Variants in PIGU observed in about 807,000 individuals in gnomAD.
PIGU encodes GPI-anchor transamidase component PIGU.
In PIGU, 24 loss-of-function variants were observed where a neutral mutation model predicts 49.9. The ratio of observed to expected loss-of-function variants is 0.48; its 90% CI spans 0.35 to 0.68. The LOEUF (loss-of-function observed/expected upper bound fraction) is 0.68, where lower values mean the gene tolerates loss of function less well. PIGU is among the 30% of genes least tolerant of loss of function. The probability of loss-of-function intolerance (pLI) is 0.01; values close to 1 mark genes in which losing one functional copy is unlikely to be tolerated. For missense variants in PIGU, 490 were observed against 532.6 expected (o/e 0.92, Z 0.79); for synonymous variants, 220 against 205.7 (o/e 1.07, Z -0.59).
Position 34,620,339 on chromosome 20 carries a change from C to A in PIGU, c.530-4200G>T, listed in dbSNP as rs78173121. 3.5e-3 allele frequency among the ~76,000 whole-genome samples: 537 copies of A among 152,304 alleles called. 4 individuals carry two copies. Among genetic ancestry groups the A allele is most frequent in the African/African-American group, 0.012 (510 of 41,556 alleles). On this transcript the variant is annotated intron_variant, in intron 6 of 11. Coordinates refer to ENST00000217446, the MANE Select transcript of PIGU (RefSeq NM_080476.5). ...TGTGTCTGTTCTTAGGCTATTCCTT[C>A]TGCCCAAGCCATCCTTCTCTGCCCG... is the stretch of plus-strand genomic sequence containing the variant.
chr20:34,561,379 C>T (rs938739390), intron 11 of PIGU, among the ~76,000 whole-genome samples: 3 of 152,216 alleles, frequency 2.0e-5, no homozygotes, highest in Non-Finnish European at 4.4e-5. Context: ...CCCCCATCTT[C>T]CAGCCAGGTG....
At chr20:34,636,816 T>C (rs1459213852) in intron 5 of PIGU, among the ~76,000 whole-genome samples, 1 of 152,206 alleles carries the variant, frequency 6.6e-6, no homozygotes. Flanking sequence ...GACTGTGAGA[T>C]TAGCAGTTCT....
intron 11 of PIGU, among the ~76,000 whole-genome samples, chr20:34,562,849 C>G (rs537792922): frequency 2.0e-5 from 3 of 152,206 alleles, no homozygotes; most frequent in Non-Finnish European, 4.4e-5. Flanking sequence ...TGACCTCATA[C>G]CCTGCAGCCC....
chr20:34,598,016 G>C (rs1984266242), intron 7 of PIGU, among the ~76,000 whole-genome samples: 1 of 152,014 alleles, frequency 6.6e-6, no homozygotes, highest in Admixed American at 6.6e-5. Context: ...ACCAGCCTGG[G>C]CAACATGATG....
intron 1 of PIGU, among the ~76,000 whole-genome samples, chr20:34,672,847 C>G (rs1348312772): frequency 8.5e-6 from 1 of 117,582 alleles, no homozygotes; most frequent in Non-Finnish European, 1.8e-5. Flanking sequence ...AGAGTGGGAC[C>G]CTGTCTCTCA....
intron 4 of PIGU, 104 bp downstream of exon 4, chr20:34,644,060 A>T: frequency 9.3e-7 from 1 of 1,070,502 alleles, no homozygotes; most frequent in Non-Finnish European, 1.4e-6. Context: ...ATCACTTCCT[A>T]GCACTTTAAA....
chr20:34,599,859 T>C (rs1984349482), intron 7 of PIGU, among the ~76,000 whole-genome samples: 1 of 152,190 alleles, frequency 6.6e-6, no homozygotes, highest in Admixed American at 6.5e-5. Context: ...AGCTCTACTC[T>C]GACTTCTCCT....
intron 1 of PIGU, among the ~76,000 whole-genome samples, chr20:34,661,420 G>A (rs1283262405): frequency 6.6e-6 from 1 of 152,064 alleles, no homozygotes; most frequent in East Asian, 1.9e-4. Flanking sequence ...GTGTCCATGT[G>A]TACTCAGTGT....
intron 11 of PIGU, 90 bp downstream of exon 11, chr20:34,575,014 C>G: frequency 2.0e-6 from 3 of 1,505,698 alleles, no homozygotes; most frequent in East Asian, 2.3e-5. Context: ...CTGCACCCCC[C>G]GGTATGCAGA....
At chr20:34,669,085 C>G (rs1987220901) in intron 1 of PIGU, among the ~76,000 whole-genome samples, 1 of 151,732 alleles carries the variant, frequency 6.6e-6, no homozygotes, top group Non-Finnish European at 1.5e-5. Context: ...GGGAGTCTCC[C>G]TATGTTGCCC....
chr20:34,645,804 G>GA (rs1986325822), intron 2 of PIGU, among the ~76,000 whole-genome samples: 1 of 152,156 alleles, frequency 6.6e-6, no homozygotes, highest in Admixed American at 6.6e-5. Context: ...GGCTGAGGCA[G>GA]AAGAATGGCG....
intron 2 of PIGU, among the ~76,000 whole-genome samples, chr20:34,651,935 C>G (rs997703480): frequency 6.6e-6 from 1 of 151,978 alleles, no homozygotes; most frequent in Admixed American, 6.6e-5. Context: ...GAGACCCCCC[C>G]CATCTCTACA....
chr20:34,676,931 A>T, intron 1 of PIGU, 25 bp downstream of exon 1: 1 of 1,559,468 alleles, frequency 6.4e-7, no homozygotes, highest in South Asian at 1.2e-5. Flanking sequence ...GGGGCCTGAC[A>T]GTCTGCTCGA....
intron 5 of PIGU, among the ~76,000 whole-genome samples, chr20:34,634,947 T>A (rs1458229851): frequency 6.6e-6 from 1 of 152,212 alleles, no homozygotes; most frequent in Non-Finnish European, 1.5e-5. Context: ...AACTGTTGTA[T>A]TTAATCATCA....
chr20:34,626,303 C>CTTT (rs368354750), intron 6 of PIGU, among the ~76,000 whole-genome samples: 3 of 137,972 alleles, frequency 2.2e-5, no homozygotes, highest in East Asian at 2.1e-4. Flanking sequence ...AAACTCCAAA[C>CTTT]TTTTTTTTTT....
chr20:34,603,128 A>G lies in PIGU; in HGVS notation c.627+12914T>C, dbSNP rs563798036. On this transcript the variant is annotated intron_variant, in intron 7 of 11. Coordinates refer to ENST00000217446, the MANE Select transcript of PIGU (RefSeq NM_080476.5). Reference sequence around the variant, plus strand: ...CATAATCTGGATTTTCTAATTATGTACCTTGTTTTCAGTATTTCTTGCAAA... The same window carrying G: ...CATAATCTGGATTTTCTAATTATGTGCCTTGTTTTCAGTATTTCTTGCAAA... 1.3e-4 allele frequency among the ~76,000 whole-genome samples: 19 copies of G among 151,646 alleles called. No homozygotes were observed. In the South Asian group the frequency reaches 4.0e-3, roughly 32 times the overall value.
chr20:34,592,062 G>A (rs994509720), intron 7 of PIGU, among the ~76,000 whole-genome samples: 3 of 151,910 alleles, frequency 2.0e-5, no homozygotes, highest in African/African-American at 7.2e-5. Flanking sequence ...GTGGTTGGGC[G>A]CCTGTAGTCC....
intron 7 of PIGU, among the ~76,000 whole-genome samples, chr20:34,599,407 C>A (rs1479977551): frequency 6.6e-6 from 1 of 152,064 alleles, no homozygotes; most frequent in Non-Finnish European, 1.5e-5. Flanking sequence ...GAGCTAAGAT[C>A]GTGCCATTAC....
At chr20:34,674,552 A>G (rs1987430499) in intron 1 of PIGU, among the ~76,000 whole-genome samples, 1 of 152,114 alleles carries the variant, frequency 6.6e-6, no homozygotes, top group Non-Finnish European at 1.5e-5. Flanking sequence ...CATTTATTCA[A>G]CAGTAACTAC....
Sources: allele counts gnomAD v4.1 joint callset (sites outside exome capture counted in the v4.1 genomes callset), GRCh38; gene constraint gnomAD v4.1.1; transcripts MANE v1.5; gene names NCBI Gene and HGNC (gene_info 2026-07-23, HGNC 2026-07-21).